The following GK variants were observed in gnomAD, a reference collection of about 807,000 sequenced individuals.
GK encodes the protein ATP:glycerol 3-phosphotransferase.
In GK, 9 loss-of-function variants were observed where a neutral mutation model predicts 56.4. That is an observed-to-expected ratio of 0.16 (90% CI 0.10 to 0.28). The LOEUF (loss-of-function observed/expected upper bound fraction) is 0.28. Among genes scored for constraint, GK ranks in the 10% least tolerant of loss-of-function variants. The pLI is 1.00. For missense variants in GK, 161 were observed against 431.4 expected (o/e 0.37, Z 5.55); for synonymous variants, 104 against 144.1 (o/e 0.72, Z 1.99).
At chrX:30,712,423 G>A (rs1014632978) in intron 13 of GK, among the ~76,000 whole-genome samples, 6 of 111,317 alleles carry the variant, frequency 5.4e-5, no homozygotes, top group African/African-American at 1.6e-4. Context: ...ATGGGGGAAT[G>A]CTAGTTTACT....
At chrX:30,716,725 C>T (rs1014545293) in intron 13 of GK, among the ~76,000 whole-genome samples, 7 of 111,772 alleles carry the variant, frequency 6.3e-5, no homozygotes, top group African/African-American at 2.0e-4. Flanking sequence ...ACTTAGTTCT[C>T]TTGAATGATC....
chrX:30,674,936 C>T (rs1030631369), intron 3 of GK, among the ~76,000 whole-genome samples: 8 of 111,817 alleles, frequency 7.2e-5, no homozygotes, highest in Non-Finnish European at 1.3e-4. Context: ...GTGTTTTATT[C>T]TGGACGTACA....
intron 11 of GK, among the ~76,000 whole-genome samples, chrX:30,704,149 T>TATATATA (rs1429695034): frequency 5.2e-5 from 5 of 96,690 alleles, no homozygotes; most frequent in South Asian, 4.7e-4. Context: ...TATATATATA[T>TATATATA]GAGATAGGGT....
At chrX:30,706,231 A>G (rs28697906) in intron 11 of GK, among the ~76,000 whole-genome samples, 1 of 112,234 alleles carries the variant, frequency 8.9e-6, no homozygotes, top group Non-Finnish European at 1.9e-5. Context: ...AGACTATCCT[A>G]GGCTAATCCT....
intron 4 of GK, among the ~76,000 whole-genome samples, chrX:30,688,153 G>A (rs1400619449): frequency 9.0e-6 from 1 of 111,313 alleles, no homozygotes; most frequent in Non-Finnish European, 1.9e-5. Context: ...ATTGAATTTT[G>A]GTCTCCCTGA....
chrX:30,696,300 A>G, intron 7 of GK, 149 bp downstream of exon 7: 1 of 484,670 alleles, frequency 2.1e-6, no homozygotes, highest in Non-Finnish European at 3.7e-6. Context: ...TGTGTTTTTT[A>G]AAGAGAGACT....
In GK at chrX:30,718,531, T is replaced by C. The variant is rs766666776; in HGVS notation, c.976-7T>C. Reference sequence around the variant, plus strand: ...ATATTCTGTCTTGAATTCCTTTTTTTCTTTAGGGTTCTGTAGCTATAGCTG... The same window carrying C: ...ATATTCTGTCTTGAATTCCTTTTTTCCTTTAGGGTTCTGTAGCTATAGCTG... On this transcript the variant is annotated splice_region_variant and splice_polypyrimidine_tract_variant and intron_variant, in intron 13 of 20. Transcript: ENST00000427190. The C allele has an allele frequency of 2.0e-5, 23 of 1,156,433 alleles. No individual in the cohort carries two copies. The highest frequency in any genetic ancestry group is 2.2e-5 in the Non-Finnish European group (19 of 846,881).
chrX:30,691,274 A>T, intron 5 of GK, 75 bp downstream of exon 5: 6 of 573,469 alleles, frequency 1.0e-5, no homozygotes, highest in Non-Finnish European at 1.8e-5. Flanking sequence ...CACTAGAAAG[A>T]AGCATCTTAT....
intron 5 of GK, among the ~76,000 whole-genome samples, chrX:30,694,111 A>G (rs1353585629): frequency 9.0e-6 from 1 of 111,720 alleles, no homozygotes; most frequent in Non-Finnish European, 1.9e-5. Context: ...TTATTGCAAA[A>G]ATCAACATCT....
At chrX:30,703,612 C>G (rs1326636439) in intron 11 of GK, among the ~76,000 whole-genome samples, 1 of 111,712 alleles carries the variant, frequency 9.0e-6, no homozygotes, top group Non-Finnish European at 1.9e-5. Flanking sequence ...GTTTGTGGTG[C>G]TGGCAGGCTG....
intron 3 of GK, among the ~76,000 whole-genome samples, chrX:30,669,787 C>G (rs1472509312): frequency 9.0e-6 from 1 of 110,608 alleles, no homozygotes; most frequent in Non-Finnish European, 1.9e-5. Context: ...TAAATTAAAA[C>G]TCACTTAAAA....
intron 3 of GK, among the ~76,000 whole-genome samples, chrX:30,673,392 T>A: frequency 8.9e-6 from 1 of 112,272 alleles, no homozygotes; most frequent in Non-Finnish European, 1.9e-5. Context: ...AAAGAAGGAA[T>A]TAAAATTAGG....
At position 30,719,499 on chromosome X, in the gene GK, G is replaced by T; in HGVS notation, c.1135G>T (p.Glu379Ter). The T allele has an allele frequency of 8.6e-7, 1 of 1,164,321 alleles. No individual in the cohort carries two copies. The highest frequency in any genetic ancestry group is 1.2e-6 in the Non-Finnish European group (1 of 852,840). ...AFSGLYAPYW[E>*]PSARGIICGL... Reference sequence around the variant, plus strand: ...TTCGGGGTTATATGCACCTTATTGGGAGCCCAGCGCAAGAGGGTAAGTATT... The same window carrying T: ...TTCGGGGTTATATGCACCTTATTGGTAGCCCAGCGCAAGAGGGTAAGTATT... The change falls in exon 15 of 21, where the codon GAG becomes TAG. Residue 379 changes from glutamate to a stop codon, truncating the protein, a stop_gained. Transcript: ENST00000427190. LOFTEE classifies it high-confidence loss of function.
chrX:30,680,409 T>A (rs1163284450), intron 4 of GK, among the ~76,000 whole-genome samples: 2 of 112,064 alleles, frequency 1.8e-5, no homozygotes, highest in East Asian at 5.6e-4. Flanking sequence ...CCTTAAAGCT[T>A]GTGTTCTAAT....
chrX:30,668,317 A>T (rs1052808697), intron 3 of GK, among the ~76,000 whole-genome samples, 199 bp downstream of exon 3: 5 of 112,701 alleles, frequency 4.4e-5, no homozygotes, highest in Non-Finnish European at 9.4e-5. Flanking sequence ...TAATAAGAGC[A>T]GAAAAATATA....
chrX:30,693,447 A>G (rs1224923683), intron 5 of GK, among the ~76,000 whole-genome samples: 1 of 112,396 alleles, frequency 8.9e-6, no homozygotes, highest in Non-Finnish European at 1.9e-5. Context: ...ATTTTTGCCC[A>G]TTAATCTTTC....
chrX:30,701,006 C>A, intron 11 of GK, 101 bp downstream of exon 11: 1 of 557,986 alleles, frequency 1.8e-6, no homozygotes, highest in South Asian at 2.4e-5. Flanking sequence ...GGATGAAAAT[C>A]AATAGCTTAA....
At position 30,711,412 on chromosome X, in the gene GK, C is replaced by T. The variant is rs181287608; in HGVS notation, c.975+3278C>T. Among the ~76,000 whole-genome samples, 5 of 111,139 alleles carry T rather than the reference C, an allele frequency of 4.5e-5. No individual in the cohort carries two copies. The East Asian group carries it at 1.4e-3, about 31-fold the overall frequency. On this transcript the variant is annotated intron_variant, in intron 13 of 20. Coordinates refer to ENST00000427190, the MANE Select transcript of GK (RefSeq NM_001205019.2). Reference sequence around the variant, plus strand: ...TGTTCTGTAGTTTTACTATGATATGCCTGTGTTTGGATTTATTTTTATTTA... The same window carrying T: ...TGTTCTGTAGTTTTACTATGATATGTCTGTGTTTGGATTTATTTTTATTTA...
intron 4 of GK, among the ~76,000 whole-genome samples, chrX:30,687,107 AAC>A (rs915697628): frequency 9.0e-6 from 1 of 111,053 alleles, no homozygotes; most frequent in Non-Finnish European, 1.9e-5. Context: ...AGATGGCCAC[AAC>A]ACAGACTGTA....
Sources: gnomAD v4.1 joint callset for allele counts (sites outside exome capture counted in the v4.1 genomes callset) on GRCh38, gnomAD v4.1.1 for gene constraint, MANE v1.5 for transcripts, NCBI Gene and HGNC (gene_info 2026-07-23, HGNC 2026-07-21) for gene names.